TRNAU1AP: variants seen among roughly 807,000 people sequenced by gnomAD.
TRNAU1AP encodes the protein tRNA selenocysteine 1 associated protein 1.
A neutral mutation model predicts 43.3 loss-of-function variants in TRNAU1AP; 33 were observed. That is an observed-to-expected ratio of 0.76 (90% CI 0.58 to 1.02). The LOEUF (loss-of-function observed/expected upper bound fraction) is 1.02. Ranked by LOEUF, TRNAU1AP falls within the 50% of genes least tolerant of loss-of-function variation. The probability of loss-of-function intolerance (pLI) is 0.00; values close to 1 mark genes in which losing one functional copy is unlikely to be tolerated. For synonymous variants in TRNAU1AP, 143 were observed against 129.1 expected, an observed-to-expected ratio of 1.11 and a Z score of -0.73; for missense variants, 290 against 362.7, an observed-to-expected ratio of 0.80 and a Z score of 1.63.
chr1:28,575,856 C>CTTT (rs34983069), intron 8 of TRNAU1AP, among the ~76,000 whole-genome samples: 33 of 60,732 alleles, frequency 5.4e-4, no homozygotes, highest in African/African-American at 9.5e-4. Flanking sequence ...CTGCGCCTGG[C>CTTT]TTTTTTTTTT....
At chr1:28,556,788 A>AT (rs1665275042) in intron 2 of TRNAU1AP, among the ~76,000 whole-genome samples, 1 of 151,924 alleles carries the variant, frequency 6.6e-6, no homozygotes, top group Admixed American at 6.6e-5. Context: ...GGTTCAAGCG[A>AT]TTCTCCTGCC....
At chr1:28,565,178 G>C (rs1665509630) in intron 5 of TRNAU1AP, 1 of 283,584 alleles carries the variant, frequency 3.5e-6, no homozygotes, top group South Asian at 3.3e-5. Flanking sequence ...GAGCCTTTCA[G>C]TGTAGTTAGA....
At chr1:28,558,068 T>G (rs184320636) in intron 2 of TRNAU1AP, among the ~76,000 whole-genome samples, 38,366 of 142,582 alleles carry the variant, frequency 0.27, 4,923 homozygotes, top group Middle Eastern at 0.32. Context: ...GCTAATTTTT[T>G]TTTTTTTTTT....
intron 3 of TRNAU1AP, 84 bp downstream of exon 3, chr1:28,560,816 TTTTA>T (rs2124194279): frequency 1.7e-6 from 2 of 1,167,190 alleles, no homozygotes; most frequent in South Asian, 2.9e-5. Context: ...TGTATACTTA[TTTTA>T]TTTAATCCTA....
chr1:28,573,949 C>A (rs1472679029), intron 8 of TRNAU1AP, among the ~76,000 whole-genome samples: 3 of 151,012 alleles, frequency 2.0e-5, no homozygotes, highest in South Asian at 2.1e-4. Context: ...AAAAAAAAAA[C>A]AACAGTATTT....
intron 4 of TRNAU1AP, among the ~76,000 whole-genome samples, chr1:28,563,528 C>T (rs1183369328): frequency 6.6e-6 from 1 of 151,884 alleles, no homozygotes; most frequent in African/African-American, 2.4e-5. Flanking sequence ...ACTAAAAATA[C>T]AAAAAATTAG....
At chr1:28,568,784 A>G (rs1003851938) in intron 6 of TRNAU1AP, among the ~76,000 whole-genome samples, 14 of 151,574 alleles carry the variant, frequency 9.2e-5, no homozygotes, top group Admixed American at 2.6e-4. Flanking sequence ...TCCAGGGCTG[A>G]GAAACTCTAC....
At chr1:28,566,314 CAAA>C (rs58656186) in intron 5 of TRNAU1AP, among the ~76,000 whole-genome samples, 20 of 105,630 alleles carry the variant, frequency 1.9e-4, no homozygotes, top group Admixed American at 3.2e-4. Context: ...GACTCCATCT[CAAA>C]AAAAAAAAAA....
rs762874282 is a variant in TRNAU1AP, at chr1:28,553,121, G to T, written c.11G>T (p.Ser4Ile). The change falls in exon 1 of 9, where the codon AGC (serine) becomes ATC (isoleucine). Residue 4 changes from serine (S) to isoleucine (I), a missense_variant. This residue lies in a region of TRNAU1AP where 59 missense variants were observed against 45.5 expected (regional missense o/e 1.30). Transcript: ENST00000373830. Reference sequence around the variant, plus strand: ...CCCCGGTGCGCGGGTATGGCGGCCAGCCTGTGGATGGGCGACGTGAGTGAG... The same window carrying T: ...CCCCGGTGCGCGGGTATGGCGGCCATCCTGTGGATGGGCGACGTGAGTGAG... MAA[S>I]LWMGDLEPYM... The T allele has an allele frequency of 3.9e-6, 6 of 1,522,346 alleles. No homozygotes were observed. The highest frequency in any genetic ancestry group is 5.3e-6 in the Non-Finnish European group (6 of 1,132,452). 94.3% of individuals were successfully genotyped at this position (1,522,346 alleles called of 1,614,324 possible).
At chr1:28,560,434 G>T (rs867771232) in intron 2 of TRNAU1AP, among the ~76,000 whole-genome samples, 199 bp from the exon 3 acceptor site, 30 of 152,004 alleles carry the variant, frequency 2.0e-4, no homozygotes, top group African/African-American at 7.2e-4. Flanking sequence ...GGTGTGCGCC[G>T]CCATGCCCAG....
chr1:28,557,629 A>T (rs1162295244), intron 2 of TRNAU1AP, among the ~76,000 whole-genome samples: 2 of 151,570 alleles, frequency 1.3e-5, no homozygotes, highest in Non-Finnish European at 1.5e-5. Flanking sequence ...TTGCTCTGTC[A>T]CCAAGCAGGA....
chr1:28,553,689 TG>T lies in TRNAU1AP; in HGVS notation c.82del (p.Glu28ArgfsTer3). ...ENFISRAFAT[M>X]GETVMSVKII... ...TTCATCTCCAGAGCCTTTGCCACCATGGGGGAGACCGTAATGAGCGTCAAAA... is the reference window on the plus strand; with the variant it reads ...TTCATCTCCAGAGCCTTTGCCACCATGGGGAGACCGTAATGAGCGTCAAAA... On this transcript the variant is annotated frameshift_variant, in exon 2 of 9. Coordinates refer to ENST00000373830, the MANE Select transcript of TRNAU1AP (RefSeq NM_017846.5). LOFTEE classifies it high-confidence loss of function. 1 of 1,614,144 alleles carries T rather than the reference TG, an allele frequency of 6.2e-7. No individual in the cohort carries two copies. Among genetic ancestry groups the T allele is most frequent in the Non-Finnish European group, 8.5e-7 (1 of 1,180,012 alleles).
chr1:28,577,244 A>G (rs923815494), intron 8 of TRNAU1AP, among the ~76,000 whole-genome samples: 2 of 152,228 alleles, frequency 1.3e-5, no homozygotes, highest in African/African-American at 4.8e-5. Context: ...CAGAAAATCT[A>G]GGATACATGA....
rs113284689 is a variant in TRNAU1AP at position 28,568,363 on chromosome 1, A to G, written c.530+950A>G. ...GAGATCATGTCTCACTGCAGCCTCG[A>G]CCTCCCCAGGCTCGGGATCCTCCCA... On this transcript the variant is annotated intron_variant, in intron 6 of 8. Transcript: ENST00000373830. 8.0e-4 allele frequency among the ~76,000 whole-genome samples: 122 copies of G among 151,836 alleles called. 1 individual carries two copies. Among genetic ancestry groups the G allele is most frequent in the African/African-American group, 2.8e-3 (117 of 41,410 alleles).
intron 2 of TRNAU1AP, among the ~76,000 whole-genome samples, chr1:28,556,611 A>T (rs1181913289): frequency 6.7e-6 from 1 of 149,908 alleles, no homozygotes; most frequent in African/African-American, 2.5e-5. Flanking sequence ...TCCTGGGTTT[A>T]AGCCCTTCTC....
At chr1:28,565,131 T>C in intron 5 of TRNAU1AP, 1 of 345,872 alleles carries the variant, frequency 2.9e-6, no homozygotes, top group South Asian at 2.9e-5. Flanking sequence ...TTTGAAATGC[T>C]TTATAGGTGT....
chr1:28,574,590 G>A (rs1249774821), intron 8 of TRNAU1AP: 2 of 151,976 alleles, frequency 1.3e-5, no homozygotes, highest in African/African-American at 4.8e-5. Flanking sequence ...TTTTTGTAGA[G>A]GCAGGGTTTC....
At chr1:28,561,027 A>C (rs917885991) in intron 3 of TRNAU1AP, 3 of 1,336,760 alleles carry the variant, frequency 2.2e-6, no homozygotes, top group Non-Finnish European at 2.9e-6. Flanking sequence ...TTGAAACTCT[A>C]GACCTCTTGC....
intron 2 of TRNAU1AP, among the ~76,000 whole-genome samples, chr1:28,560,131 C>T (rs142470154): frequency 1.9e-4 from 29 of 152,160 alleles, no homozygotes; most frequent in African/African-American, 3.4e-4. Context: ...TACAGATAAA[C>T]GAATCTTGGA....
Sources: gnomAD v4.1 joint callset for allele counts (sites outside exome capture counted in the v4.1 genomes callset) on GRCh38, gnomAD v4.1.1 for gene constraint, gnomAD v4.1.1 regional missense constraint, MANE v1.5 for transcripts, NCBI Gene and HGNC (gene_info 2026-07-23, HGNC 2026-07-21) for gene names.